Variants in CACNA2D2 observed in about 807,000 individuals in gnomAD.
CACNA2D2 encodes calcium voltage-gated channel auxiliary subunit alpha2delta 2.
CACNA2D2 carries 48 observed loss-of-function variants against 166.4 expected under a neutral mutation model. That is an observed-to-expected ratio of 0.29 (90% CI 0.23 to 0.37). CACNA2D2 has a LOEUF of 0.37. CACNA2D2 is among the 10% of genes least tolerant of loss of function. CACNA2D2 has a pLI of 1.00. For missense variants in CACNA2D2, 1,122 were observed against 1,433.0 expected (o/e 0.78, Z 3.50); for synonymous variants, 561 against 573.7 (o/e 0.98, Z 0.32).
Position 50,384,216 on chromosome 3 carries a change from G to A in CACNA2D2, c.632C>T (p.Pro211Leu). ...VNYSYAAVQI[P>L]TDIYKGSTVI... ...CTCACAGCCTTTGTAGATGTCCGTA[G>A]GGATCTGTACAGCCGCGTATGAATA... Residue 211 changes from proline to leucine, a missense_variant, in exon 6 of 38, where the codon CCT becomes CTT. Transcript: ENST00000424201. The A allele has an allele frequency of 1.2e-6, 2 of 1,614,132 alleles. No homozygotes were observed. Among genetic ancestry groups the A allele is most frequent in the Non-Finnish European group, 8.5e-7 (1 of 1,179,986 alleles).
At chr3:50,377,847 G>T in intron 15 of CACNA2D2, 44 bp from the exon 16 acceptor site, 1 of 1,558,850 alleles carries the variant, frequency 6.4e-7, no homozygotes, top group South Asian at 1.1e-5. Context: ...GGCCAGCACT[G>T]ACCCCACCCT....
At position 50,411,133 on chromosome 3, in the gene CACNA2D2, T is replaced by C. The variant is rs9854224; in HGVS notation, c.406-16965A>G. Among the ~76,000 whole-genome samples, 434 of 152,312 alleles carry C rather than the reference T, an allele frequency of 2.8e-3. 2 individuals are homozygous for C. Among genetic ancestry groups the C allele is most frequent in the African/African-American group, 0.01 (417 of 41,566 alleles). ...ATAGGCTCCACCACCTGCCCACTCATGCCTGGCCAAATGGAGCTTCTTGGC... is the reference window on the plus strand; with the variant it reads ...ATAGGCTCCACCACCTGCCCACTCACGCCTGGCCAAATGGAGCTTCTTGGC... On this transcript the variant is annotated intron_variant, in intron 3 of 37. Coordinates refer to ENST00000424201, the MANE Select transcript of CACNA2D2 (RefSeq NM_006030.4).
chr3:50,466,226 G>A (rs569474670), intron 2 of CACNA2D2, among the ~76,000 whole-genome samples: 3 of 152,304 alleles, frequency 2.0e-5, no homozygotes, highest in East Asian at 3.9e-4. Flanking sequence ...CAGACAGAGT[G>A]ACTGGGGGGA....
intron 2 of CACNA2D2, among the ~76,000 whole-genome samples, chr3:50,451,862 T>C (rs1709119005): frequency 6.6e-6 from 1 of 152,066 alleles, no homozygotes; most frequent in South Asian, 2.1e-4. Context: ...GGCGTGGCAA[T>C]GGTCCATTTT....
At chr3:50,494,295 G>A (rs558981485) in intron 1 of CACNA2D2, among the ~76,000 whole-genome samples, 12 of 152,176 alleles carry the variant, frequency 7.9e-5, no homozygotes, top group Non-Finnish European at 1.2e-4. Context: ...GCTGGAACTG[G>A]TGGCAGCACC....
At chr3:50,401,983 G>T (rs1368993485) in intron 3 of CACNA2D2, among the ~76,000 whole-genome samples, 2 of 152,324 alleles carry the variant, frequency 1.3e-5, no homozygotes, top group African/African-American at 2.4e-5. Flanking sequence ...AAAGTGCTGG[G>T]ATTACAGTTG....
intron 22 of CACNA2D2, chr3:50,373,174 G>C: frequency 4.5e-4 from 411 of 910,770 alleles, no homozygotes; most frequent in Middle Eastern, 8.7e-4. Context: ...AAGGGGAGGG[G>C]CACAAACAAT....
chr3:50,386,660 C>T (rs1705623637), intron 5 of CACNA2D2, among the ~76,000 whole-genome samples: 1 of 152,190 alleles, frequency 6.6e-6, no homozygotes, highest in Non-Finnish European at 1.5e-5. Context: ...AGCCTTCTCA[C>T]CTCCTGGTGT....
Position 50,379,003 on chromosome 3 carries a change from G to T in CACNA2D2, c.1261-10C>A. 6.2e-7 allele frequency: 1 copy of T among 1,613,952 alleles called. No individual in the cohort carries two copies. The highest frequency in any genetic ancestry group is 8.5e-7 in the Non-Finnish European group (1 of 1,180,026). On this transcript the variant is annotated splice_polypyrimidine_tract_variant and intron_variant, in intron 12 of 37. Coordinates refer to ENST00000424201, the MANE Select transcript of CACNA2D2 (RefSeq NM_006030.4). This position sits in a 1 kb window ranked among gnomAD's most constrained non-coding sequence, Gnocchi z 6.5. ...AAGTAAACACGCGCACCTGTGGGGGGTTTGAGGTTACTGCTGTGGCCACCA... is the reference window on the plus strand; with the variant it reads ...AAGTAAACACGCGCACCTGTGGGGGTTTTGAGGTTACTGCTGTGGCCACCA...
chr3:50,481,629 G>GC (rs983580330), intron 1 of CACNA2D2, among the ~76,000 whole-genome samples: 26 of 152,298 alleles, frequency 1.7e-4, no homozygotes, highest in African/African-American at 6.0e-4. Context: ...CAATGGCGGG[G>GC]CCCCACGTCT....
chr3:50,365,962 G>A lies in CACNA2D2; in HGVS notation c.2862+49C>T. 1 of 1,610,778 alleles carries A rather than the reference G, an allele frequency of 6.2e-7. No homozygotes were observed. Among genetic ancestry groups the A allele is most frequent in the Non-Finnish European group, 8.5e-7 (1 of 1,178,414 alleles). On this transcript the variant is annotated intron_variant, in intron 32 of 37. Transcript: ENST00000424201. This position sits in a 1 kb window ranked among gnomAD's most constrained non-coding sequence, Gnocchi z 4.5. ...AGAGGTAGGGGGTCATCTGTGGGCA[G>A]GTCTCCCAGTCCCCCCCATCTCCAG...
At chr3:50,435,169 T>G (rs960304872) in intron 2 of CACNA2D2, among the ~76,000 whole-genome samples, 1 of 151,100 alleles carries the variant, frequency 6.6e-6, no homozygotes, top group African/African-American at 2.4e-5. Context: ...GCTCAACATA[T>G]CCGTTTGTGT....
intron 2 of CACNA2D2, among the ~76,000 whole-genome samples, chr3:50,449,105 C>A (rs911097643): frequency 6.6e-6 from 1 of 152,250 alleles, no homozygotes; most frequent in East Asian, 1.9e-4. Context: ...AAAAGCAGGG[C>A]CCTTCTTAGC....
intron 3 of CACNA2D2, among the ~76,000 whole-genome samples, chr3:50,400,738 C>T (rs998086364): frequency 9.9e-5 from 15 of 152,264 alleles, no homozygotes; most frequent in Admixed American, 2.0e-4. Flanking sequence ...CCAGCCTTAC[C>T]CGTCCCTCAA....
At chr3:50,501,216 C>T (rs1698949228) in intron 1 of CACNA2D2, among the ~76,000 whole-genome samples, 1 of 152,202 alleles carries the variant, frequency 6.6e-6, no homozygotes, top group South Asian at 2.1e-4. Context: ...AGCACCAATT[C>T]CACTGGCCAT....
intron 3 of CACNA2D2, among the ~76,000 whole-genome samples, chr3:50,420,734 T>G (rs1707515961): frequency 6.6e-6 from 1 of 152,168 alleles, no homozygotes; most frequent in African/African-American, 2.4e-5. Flanking sequence ...TCAGCTGTGT[T>G]TGCTGCATGC....
intron 3 of CACNA2D2, among the ~76,000 whole-genome samples, chr3:50,404,339 C>G (rs557034585): frequency 6.6e-6 from 1 of 152,178 alleles, no homozygotes. Flanking sequence ...CCACTCTGGA[C>G]CTTGTGAAAA....
At chr3:50,389,553 C>G (rs1386478661) in intron 4 of CACNA2D2, among the ~76,000 whole-genome samples, 1 of 152,202 alleles carries the variant, frequency 6.6e-6, no homozygotes, top group Non-Finnish European at 1.5e-5. Context: ...CCCTCAGGAG[C>G]CCTAGGCTCC....
chr3:50,395,817 G>C (rs1158424211), intron 3 of CACNA2D2, among the ~76,000 whole-genome samples: 1 of 152,198 alleles, frequency 6.6e-6, no homozygotes, highest in Non-Finnish European at 1.5e-5. Flanking sequence ...CAGCCCCATT[G>C]GGCTGGCTAC....
Sources: gnomAD v4.1 joint callset for allele counts (sites outside exome capture counted in the v4.1 genomes callset) on GRCh38, gnomAD v4.1.1 for gene constraint, Gnocchi (gnomAD v3.1) non-coding constraint, MANE v1.5 for transcripts, NCBI Gene and HGNC (gene_info 2026-07-23, HGNC 2026-07-21) for gene names.